CHCHD3: variants seen among roughly 807,000 people sequenced by gnomAD.
CHCHD3 encodes the protein coiled-coil-helix-coiled-coil-helix domain containing 3, also known as MICOS complex subunit MIC19.
A neutral mutation model predicts 38.2 loss-of-function variants in CHCHD3; 20 were observed. The observed-to-expected ratio is 0.52, with a 90% CI of 0.37 to 0.76. CHCHD3 has a LOEUF of 0.76. CHCHD3 is among the 30% of genes least tolerant of loss of function. The pLI is 0.00. For missense variants in CHCHD3, 245 were observed against 279.2 expected (o/e 0.88, Z 0.87); for synonymous variants, 82 against 100.0 (o/e 0.82, Z 1.07).
At chr7:132,818,730 C>A (rs1048045727) in intron 6 of CHCHD3, among the ~76,000 whole-genome samples, 2 of 152,130 alleles carry the variant, frequency 1.3e-5, no homozygotes, top group African/African-American at 4.8e-5. Context: ...TTTTTAATAT[C>A]AATAACTTTC....
rs147093335 is a variant in CHCHD3 at position 132,912,851 on chromosome 7, G to A, written c.370-27106C>T. 6.7e-3 allele frequency among the ~76,000 whole-genome samples: 1,023 copies of A among 152,310 alleles called. 12 individuals are homozygous for A. Among genetic ancestry groups the A allele is most frequent in the African/African-American group, 0.023 (948 of 41,570 alleles). ...ATTACAGGCATGAGCCACTGCGCCC[G>A]GCCAAAGATGGGACTACTAACAGTA... On this transcript the variant is annotated intron_variant, in intron 4 of 7. Transcript: ENST00000262570.
intron 5 of CHCHD3, among the ~76,000 whole-genome samples, chr7:132,885,014 G>A (rs935746795): frequency 6.6e-6 from 1 of 152,202 alleles, no homozygotes; most frequent in Non-Finnish European, 1.5e-5. Flanking sequence ...CACTTTGGGA[G>A]GCTGAGGGAG....
intron 3 of CHCHD3, among the ~76,000 whole-genome samples, chr7:132,996,020 G>A (rs1316225302): frequency 6.6e-6 from 1 of 152,100 alleles, no homozygotes; most frequent in African/African-American, 2.4e-5. Context: ...AAGTTCAATA[G>A]ATTACTCAAA....
intron 5 of CHCHD3, among the ~76,000 whole-genome samples, chr7:132,851,717 T>C (rs1325069102): frequency 6.6e-6 from 1 of 152,176 alleles, no homozygotes; most frequent in Non-Finnish European, 1.5e-5. Context: ...AACCTCCCAT[T>C]CTCTCAAGGG....
intron 4 of CHCHD3, among the ~76,000 whole-genome samples, chr7:132,899,220 G>C (rs1809601919): frequency 2.6e-5 from 4 of 152,200 alleles, no homozygotes; most frequent in African/African-American, 9.7e-5. Flanking sequence ...TGTGGGAAGG[G>C]TGGAGGAGAG....
intron 3 of CHCHD3, among the ~76,000 whole-genome samples, chr7:133,018,194 G>A (rs989688965): frequency 6.6e-6 from 1 of 152,094 alleles, no homozygotes; most frequent in African/African-American, 2.4e-5. Context: ...GTATATAAAG[G>A]AATATTTTGG....
rs191627301 is a variant in CHCHD3, at chr7:132,895,897, G to A, written c.370-10152C>T. On this transcript the variant is annotated intron_variant, in intron 4 of 7. Transcript: ENST00000262570. ...GGTTGTTTGAGATCAAATACAAAAA[G>A]CCTCATCTGTCTCAGGTGAAACTTT... Among the ~76,000 whole-genome samples the A allele has an allele frequency of 1.6e-3, 248 of 152,298 alleles. 1 individual carries two copies. The highest frequency in any genetic ancestry group is 5.7e-3 in the African/African-American group (235 of 41,546).
At chr7:132,868,123 T>C (rs1488770145) in intron 5 of CHCHD3, among the ~76,000 whole-genome samples, 1 of 152,144 alleles carries the variant, frequency 6.6e-6, no homozygotes, top group African/African-American at 2.4e-5. Flanking sequence ...ACACTTTGAC[T>C]TAAGGGATTA....
chr7:132,827,497 T>C (rs1807535644), intron 6 of CHCHD3, among the ~76,000 whole-genome samples: 1 of 152,218 alleles, frequency 6.6e-6, no homozygotes, highest in South Asian at 2.1e-4. Context: ...ACTTGTGGCA[T>C]CATGTTGGCA....
At chr7:133,078,292 G>C (rs542663678) in intron 1 of CHCHD3, among the ~76,000 whole-genome samples, 6 of 152,208 alleles carry the variant, frequency 3.9e-5, no homozygotes, top group Non-Finnish European at 8.8e-5. Flanking sequence ...CTGGGTGACA[G>C]AGCAAGACTC....
intron 4 of CHCHD3, among the ~76,000 whole-genome samples, chr7:132,905,805 C>G (rs147536197): frequency 1.3e-5 from 2 of 152,204 alleles, no homozygotes; most frequent in African/African-American, 4.8e-5. Context: ...TGCAATTCCT[C>G]TCCAGAGGCA....
At chr7:132,972,934 T>C in intron 4 of CHCHD3, 1 of 985,352 alleles carries the variant, frequency 1.0e-6, no homozygotes, top group Non-Finnish European at 1.2e-6. Context: ...TAGACAAGAT[T>C]TATTAGGTAA....
chr7:132,986,417 G>GAAAAAAGAAAAAAAAAAAA (rs1812123668), intron 3 of CHCHD3, among the ~76,000 whole-genome samples: 1 of 52,586 alleles, frequency 1.9e-5, no homozygotes, highest in African/African-American at 7.0e-5. Context: ...AAAAGAAAAA[G>GAAAAAAGAAAAAAAAAAAA]AAAAAAGAAA....
chr7:132,829,794 T>C (rs762511540), intron 6 of CHCHD3, among the ~76,000 whole-genome samples: 1 of 152,208 alleles, frequency 6.6e-6, no homozygotes, highest in Non-Finnish European at 1.5e-5. Context: ...ACCATGTTCA[T>C]GAGATGGCTG....
At chr7:132,938,729 TC>T in intron 4 of CHCHD3, among the ~76,000 whole-genome samples, 1 of 152,110 alleles carries the variant, frequency 6.6e-6, no homozygotes, top group African/African-American at 2.4e-5. Context: ...CTGCAGTGTG[TC>T]CCCGACACCG....
chr7:132,813,918 C>T (rs1012836623), intron 6 of CHCHD3, among the ~76,000 whole-genome samples: 2 of 152,156 alleles, frequency 1.3e-5, no homozygotes, highest in African/African-American at 2.4e-5. Context: ...TCCCCAAGTA[C>T]GTGCTCACGG....
chr7:132,999,609 T>C (rs1223763826), intron 3 of CHCHD3, among the ~76,000 whole-genome samples: 1 of 152,194 alleles, frequency 6.6e-6, no homozygotes, highest in Non-Finnish European at 1.5e-5. Context: ...TTCATTAATG[T>C]CATATTTTGA....
chr7:132,994,007 T>TA (rs1308402161), intron 3 of CHCHD3, among the ~76,000 whole-genome samples: 1 of 149,066 alleles, frequency 6.7e-6, no homozygotes, highest in African/African-American at 2.5e-5. Context: ...AAGGGTTACT[T>TA]AAAGAATTTT....
chr7:133,003,009 G>A (rs538903263), intron 3 of CHCHD3, among the ~76,000 whole-genome samples: 16 of 152,322 alleles, frequency 1.1e-4, no homozygotes, highest in African/African-American at 3.4e-4. Context: ...AGGAGTTGCA[G>A]TATGTATACA....
Sources: allele counts gnomAD v4.1 joint callset (sites outside exome capture counted in the v4.1 genomes callset), GRCh38; gene constraint gnomAD v4.1.1; transcripts MANE v1.5; gene names NCBI Gene and HGNC (gene_info 2026-07-23, HGNC 2026-07-21).